Variants in CDH8 observed in about 807,000 individuals in gnomAD.
CDH8 encodes the protein cadherin-8.
In CDH8, 17 loss-of-function variants were observed where a neutral mutation model predicts 68.1. The ratio of observed to expected loss-of-function variants is 0.25; its 90% CI spans 0.17 to 0.37. The LOEUF is 0.37. Ranked by LOEUF, CDH8 falls within the 10% of genes least tolerant of loss-of-function variation. The probability of loss-of-function intolerance (pLI) is 1.00; values close to 1 mark genes in which losing one functional copy is unlikely to be tolerated. For synonymous variants in CDH8, 372 were observed against 365.1 expected (o/e 1.02, Z -0.21); for missense variants, 763 against 999.3 (o/e 0.76, Z 3.19).
chr16:61,893,092 G>T (rs1050944894), intron 3 of CDH8, among the ~76,000 whole-genome samples: 2 of 152,132 alleles, frequency 1.3e-5, no homozygotes, highest in African/African-American at 4.8e-5. Context: ...TCCAACACCA[G>T]TTCCCTCCGA....
chr16:61,879,698 A>G (rs1488176595), intron 3 of CDH8, among the ~76,000 whole-genome samples: 1 of 152,066 alleles, frequency 6.6e-6, no homozygotes, highest in Non-Finnish European at 1.5e-5. Context: ...TCATTTTCTT[A>G]GTTCTACCCT....
rs559340696 is a variant in CDH8 at position 61,944,371 on chromosome 16, G to GA, written c.253-42899dup. Among the ~76,000 whole-genome samples, 632 of 152,266 alleles carry GA rather than the reference G, an allele frequency of 4.2e-3. 2 individuals are homozygous for GA. Among genetic ancestry groups the GA allele is most frequent in the Middle Eastern group, 0.014 (4 of 294 alleles). ...GCTTTGAATTCAGATACGTTTAACA[G>GA]AAAAAATATACCTCTAAGGGTTCTC... On this transcript the variant is annotated intron_variant, in intron 2 of 11. Transcript: ENST00000577390.
chr16:61,784,935 G>A (rs368604517), intron 8 of CDH8, among the ~76,000 whole-genome samples: 13 of 151,894 alleles, frequency 8.6e-5, no homozygotes, highest in South Asian at 2.1e-4. Context: ...CGCATTCAAA[G>A]CAGTGTGTAG....
intron 8 of CDH8, among the ~76,000 whole-genome samples, chr16:61,773,533 T>G (rs118075547): frequency 1.3e-5 from 2 of 151,978 alleles, no homozygotes; most frequent in Non-Finnish European, 2.9e-5. Flanking sequence ...GAGTACTATG[T>G]TTTTGGCAAG....
chr16:61,753,453 G>A lies in CDH8; in HGVS notation c.1415-26238C>T, dbSNP rs568551894. On this transcript the variant is annotated intron_variant, in intron 8 of 11. Transcript: ENST00000577390. ...CAGCTTTTCACCATGCTGCCCAGGC[G>A]GGTCTCAGACTCTTGGCCTTAAGTG... 4.6e-5 allele frequency among the ~76,000 whole-genome samples: 7 copies of A among 151,944 alleles called. No individual in the cohort carries two copies. In the South Asian group the frequency reaches 8.3e-4, roughly 18 times the overall value.
At chr16:61,948,416 C>A (rs1176438886) in intron 2 of CDH8, among the ~76,000 whole-genome samples, 1 of 152,168 alleles carries the variant, frequency 6.6e-6, no homozygotes, top group Non-Finnish European at 1.5e-5. Flanking sequence ...CACCAAATAT[C>A]TTTCAATATG....
At chr16:61,728,732 C>G (rs146342407) in intron 8 of CDH8, among the ~76,000 whole-genome samples, 3,516 of 151,158 alleles carry the variant, frequency 0.023, 67 homozygotes, top group Non-Finnish European at 0.035. Context: ...GTTTTCCAGC[C>G]TGACCATTAG....
At position 61,856,987 on chromosome 16, in the gene CDH8, G is replaced by A. The variant is rs1963058988; in HGVS notation, c.667+132C>T. 10 of 1,029,816 alleles carry A rather than the reference G, an allele frequency of 9.7e-6. No homozygotes were observed. In the Admixed American group the frequency reaches 1.6e-4, roughly 16 times the overall value. The allele number at this position is 1,029,816 out of a possible 1,614,324, so 63.8% of individuals were successfully genotyped here. ...TTGTAGGGCTCACTGTGTACCTCAT[G>A]TCGCATATTCAAATATTATTGATGC... On this transcript the variant is annotated intron_variant, in intron 4 of 11. Coordinates refer to ENST00000577390, the MANE Select transcript of CDH8 (RefSeq NM_001796.5).
chr16:61,978,246 T>C (rs916676283), intron 2 of CDH8, among the ~76,000 whole-genome samples: 1 of 152,146 alleles, frequency 6.6e-6, no homozygotes, highest in Admixed American at 6.5e-5. Flanking sequence ...GGTATGCATT[T>C]GTGTGTGTAT....
intron 7 of CDH8, among the ~76,000 whole-genome samples, chr16:61,794,425 G>A (rs929644856): frequency 2.0e-5 from 3 of 152,016 alleles, no homozygotes; most frequent in African/African-American, 7.2e-5. Flanking sequence ...AACTTTAAAT[G>A]AGGTAATGCT....
chr16:61,890,616 G>A (rs940118165), intron 3 of CDH8, among the ~76,000 whole-genome samples: 2 of 152,082 alleles, frequency 1.3e-5, no homozygotes, highest in African/African-American at 4.8e-5. Context: ...GTTAAATTTT[G>A]TTCCAGTAGG....
intron 9 of CDH8, among the ~76,000 whole-genome samples, chr16:61,724,503 C>T (rs894735411): frequency 2.7e-5 from 4 of 150,360 alleles, no homozygotes; most frequent in Non-Finnish European, 4.5e-5. Context: ...TTTTTAATGG[C>T]TTATCCTTCC....
At chr16:61,947,733 C>A (rs1964822787) in intron 2 of CDH8, among the ~76,000 whole-genome samples, 2 of 152,034 alleles carry the variant, frequency 1.3e-5, no homozygotes, top group Admixed American at 6.6e-5. Context: ...TAGAGTATTA[C>A]AAGTTATGTC....
At chr16:61,784,164 C>A (rs1196556012) in intron 8 of CDH8, among the ~76,000 whole-genome samples, 2 of 151,568 alleles carry the variant, frequency 1.3e-5, no homozygotes, top group Non-Finnish European at 2.9e-5. Context: ...GAGTCAAGAC[C>A]CATCAGTGTG....
At chr16:61,733,238 C>T (rs1055745381) in intron 8 of CDH8, among the ~76,000 whole-genome samples, 3 of 151,564 alleles carry the variant, frequency 2.0e-5, no homozygotes, top group Non-Finnish European at 4.4e-5. Flanking sequence ...ATATGCTAAG[C>T]CCTGGAAGAA....
At chr16:61,808,299 A>G (rs1340094676) in intron 7 of CDH8, among the ~76,000 whole-genome samples, 1 of 152,020 alleles carries the variant, frequency 6.6e-6, no homozygotes, top group Non-Finnish European at 1.5e-5. Flanking sequence ...TCAATTCCAA[A>G]CCCCTGTATT....
intron 2 of CDH8, among the ~76,000 whole-genome samples, chr16:61,982,913 A>T (rs766287508): frequency 5.3e-5 from 8 of 152,202 alleles, no homozygotes; most frequent in African/African-American, 4.8e-5. Context: ...AAAGGAATTT[A>T]TATACTGCCA....
At chr16:61,969,455 G>T (rs572052122) in intron 2 of CDH8, among the ~76,000 whole-genome samples, 1 of 152,162 alleles carries the variant, frequency 6.6e-6, no homozygotes, top group Non-Finnish European at 1.5e-5. Context: ...GTGCAGAGAA[G>T]CCCTACATGG....
intron 4 of CDH8, among the ~76,000 whole-genome samples, chr16:61,835,291 T>TA (rs1962544922): frequency 1.3e-5 from 2 of 151,970 alleles, no homozygotes; most frequent in Non-Finnish European, 2.9e-5. Flanking sequence ...TCCTGTTTTA[T>TA]AATGTAGCAT....
Sources: gnomAD v4.1 joint callset for allele counts (sites outside exome capture counted in the v4.1 genomes callset) on GRCh38, gnomAD v4.1.1 for gene constraint, MANE v1.5 for transcripts, NCBI Gene and HGNC (gene_info 2026-07-23, HGNC 2026-07-21) for gene names.